PRSS23: variants seen among roughly 807,000 people sequenced by gnomAD.
The protein encoded by PRSS23 is serine protease 23, also known as protease, serine 23.
Under a neutral mutation model 34.7 loss-of-function variants are expected in PRSS23, and 25 were observed. The observed-to-expected ratio is 0.72, with a 90% CI of 0.53 to 1.01. The LOEUF (loss-of-function observed/expected upper bound fraction) is 1.01, where lower values mean the gene tolerates loss of function less well. Ranked by LOEUF, PRSS23 falls within the 50% of genes least tolerant of loss-of-function variation. The probability of loss-of-function intolerance (pLI) is 0.00; values close to 1 mark genes in which losing one functional copy is unlikely to be tolerated. For missense variants in PRSS23, 445 were observed against 475.6 expected, an observed-to-expected ratio of 0.94 and a Z score of 0.60; for synonymous variants, 176 against 186.6, an observed-to-expected ratio of 0.94 and a Z score of 0.46.
intron 2 of PRSS23, chr11:86,837,573 C>G (rs1948416412): frequency 6.6e-6 from 1 of 152,106 alleles, no homozygotes; most frequent in Non-Finnish European, 1.5e-5. Context: ...TCAAGATTAT[C>G]CTGGGCAACA....
chr11:86,884,986 T>C (rs1010364331), intron 2 of PRSS23, among the ~76,000 whole-genome samples: 1 of 152,254 alleles, frequency 6.6e-6, no homozygotes, highest in African/African-American at 2.4e-5. Flanking sequence ...TATTTGTCTC[T>C]GTCTTCAGTA....
At chr11:86,804,115 A>T (rs927842096) in intron 1 of PRSS23, among the ~76,000 whole-genome samples, 1 of 152,208 alleles carries the variant, frequency 6.6e-6, no homozygotes, top group Non-Finnish European at 1.5e-5. Flanking sequence ...CATCTGGTTG[A>T]GGATGCTATT....
At chr11:86,901,028 G>A (rs987206263) in intron 2 of PRSS23, among the ~76,000 whole-genome samples, 5 of 151,574 alleles carry the variant, frequency 3.3e-5, no homozygotes, top group Admixed American at 6.6e-5. Context: ...CAGGTGGTCC[G>A]CCCACCTCAG....
exon 2 of PRSS23, chr11:86,823,471 G>T (rs561236849): frequency 7.1e-5 from 50 of 702,274 alleles, no homozygotes; most frequent in Middle Eastern, 6.8e-4. Flanking sequence ...CAACAGTTTC[G>T]AATTCAATTC....
intron 2 of PRSS23, among the ~76,000 whole-genome samples, chr11:86,859,888 A>C (rs1258523422): frequency 6.6e-6 from 1 of 151,972 alleles, no homozygotes; most frequent in Admixed American, 6.6e-5. Context: ...GGAGAGGATG[A>C]TATTACTCCA....
intron 2 of PRSS23, among the ~76,000 whole-genome samples, chr11:86,902,376 TTTTC>T (rs1381209891): frequency 6.6e-6 from 1 of 152,178 alleles, no homozygotes; most frequent in Non-Finnish European, 1.5e-5. Flanking sequence ...TACTTAATTT[TTTTC>T]TTTCTTAAGA....
At chr11:86,807,589 T>G in intron 1 of PRSS23, 42 bp from the exon 2 acceptor site, 1 of 1,502,778 alleles carries the variant, frequency 6.7e-7, no homozygotes, top group Non-Finnish European at 9.0e-7. Flanking sequence ...AAATGAACGT[T>G]CAGCCCTTGC....
At chr11:86,882,557 A>G (rs1948778513) in intron 2 of PRSS23, among the ~76,000 whole-genome samples, 1 of 151,998 alleles carries the variant, frequency 6.6e-6, no homozygotes, top group Non-Finnish European at 1.5e-5. Context: ...TAATGCCTGC[A>G]TATATTTCAT....
chr11:86,899,410 T>C (rs964245286), intron 2 of PRSS23, among the ~76,000 whole-genome samples: 3 of 151,980 alleles, frequency 2.0e-5, no homozygotes, highest in Non-Finnish European at 2.9e-5. Context: ...TCCCAGCTAC[T>C]TGGGGGGCAG....
At chr11:86,871,052 T>A (rs1374379353) in intron 2 of PRSS23, among the ~76,000 whole-genome samples, 1 of 152,210 alleles carries the variant, frequency 6.6e-6, no homozygotes, top group Non-Finnish European at 1.5e-5. Context: ...TCATATCTAG[T>A]AATTTTTTAT....
intron 2 of PRSS23, among the ~76,000 whole-genome samples, chr11:86,845,287 C>T (rs1948478555): frequency 6.6e-6 from 1 of 152,118 alleles, no homozygotes; most frequent in South Asian, 2.1e-4. Flanking sequence ...TCAGTACTTA[C>T]TTAGATAAGG....
At chr11:86,849,191 C>T (rs1590892857) in intron 2 of PRSS23, among the ~76,000 whole-genome samples, 1 of 152,164 alleles carries the variant, frequency 6.6e-6, no homozygotes, top group African/African-American at 2.4e-5. Context: ...GGATTAATCT[C>T]CTGCCCTGGA....
At chr11:86,951,919 C>A in exon 3 of PRSS23, 1 of 1,613,898 alleles carries the variant, frequency 6.2e-7, no homozygotes. Flanking sequence ...CACAGGATAT[C>A]CTTTCCCGGC....
chr11:86,829,447 C>T (rs951949000), intron 2 of PRSS23, among the ~76,000 whole-genome samples: 8 of 152,152 alleles, frequency 5.3e-5, no homozygotes, highest in Admixed American at 4.6e-4. Context: ...GAATTTCCTC[C>T]TGTAGCTCAT....
At chr11:86,819,261 ACT>A (rs1948236198) in intron 1 of PRSS23, among the ~76,000 whole-genome samples, 1 of 152,104 alleles carries the variant, frequency 6.6e-6, no homozygotes, top group Non-Finnish European at 1.5e-5. Flanking sequence ...CAGACCTGAC[ACT>A]CTGCAGAACT....
intron 2 of PRSS23, among the ~76,000 whole-genome samples, chr11:86,824,812 T>C (rs563762380): frequency 3.3e-5 from 5 of 152,242 alleles, no homozygotes; most frequent in African/African-American, 1.2e-4. Context: ...CATGAACTCA[T>C]CATTTTTTAT....
At chr11:86,844,898 T>A (rs1336495891) in intron 2 of PRSS23, among the ~76,000 whole-genome samples, 2 of 152,144 alleles carry the variant, frequency 1.3e-5, no homozygotes, top group Non-Finnish European at 2.9e-5. Flanking sequence ...AAGAACAGCC[T>A]GACCAACATG....
At chr11:86,881,104 A>G (rs1948769531) in intron 2 of PRSS23, among the ~76,000 whole-genome samples, 1 of 152,124 alleles carries the variant, frequency 6.6e-6, no homozygotes, top group Non-Finnish European at 1.5e-5. Context: ...AAGATCAGAC[A>G]TTCTTGTCTT....
At chr11:86,825,021 T>A (rs1948288049) in intron 2 of PRSS23, among the ~76,000 whole-genome samples, 1 of 152,080 alleles carries the variant, frequency 6.6e-6, no homozygotes, top group Admixed American at 6.6e-5. Context: ...GGTCAAATGG[T>A]ATTTCTAGTT....
Sources: allele counts gnomAD v4.1 joint callset (sites outside exome capture counted in the v4.1 genomes callset), GRCh38; gene constraint gnomAD v4.1.1; transcripts MANE v1.5; gene names NCBI Gene and HGNC (gene_info 2026-07-23, HGNC 2026-07-21).